The following AGAP1 variants were observed in gnomAD, a reference collection of about 807,000 sequenced individuals.
AGAP1 encodes the protein ArfGAP with GTPase domain, ankyrin repeat and PH domain 1, also known as arf-GAP with GTPase, ANK repeat and PH domain-containing protein 1.
A neutral mutation model predicts 105.3 loss-of-function variants in AGAP1; 29 were observed. The observed-to-expected ratio is 0.28, with a 90% CI of 0.21 to 0.38. AGAP1 has a LOEUF of 0.38. AGAP1 is among the 10% of genes least tolerant of loss of function. The pLI is 1.00. For synonymous variants in AGAP1, 509 were observed against 485.9 expected (o/e 1.05, Z -0.63); for missense variants, 998 against 1,165.1 (o/e 0.86, Z 2.09).
chr2:235,528,349 C>T (rs1372910249), intron 1 of AGAP1, among the ~76,000 whole-genome samples: 5 of 148,406 alleles, frequency 3.4e-5, no homozygotes, highest in East Asian at 4.0e-4. Context: ...CACTCAGGCC[C>T]CCTCCCCCTC....
Position 236,014,916 on chromosome 2 carries a change from C to A in AGAP1, c.1646-21645C>A. ...GCACCTCCACCCGCCCACACCTCCA[C>A]CTGCCTCTTCCCCTCTCATCCCCTG... On this transcript the variant is annotated intron_variant, in intron 13 of 17. Transcript: ENST00000304032. The surrounding 1 kb of genome is among the most constrained non-coding windows in gnomAD (Gnocchi z 6.3). The A allele has an allele frequency of 2.7e-6, 1 of 371,578 alleles. No individual in the cohort carries two copies. Among genetic ancestry groups the A allele is most frequent in the Non-Finnish European group, 5.6e-6 (1 of 179,082 alleles). 23.0% of individuals were successfully genotyped at this position (371,578 alleles called of 1,614,324 possible).
Position 235,842,409 on chromosome 2 carries a change from A to G in AGAP1, c.1050+35078A>G, listed in dbSNP as rs1960971680. On this transcript the variant is annotated intron_variant, in intron 9 of 17. Transcript: ENST00000304032. This position sits in a 1 kb window ranked among gnomAD's most constrained non-coding sequence, Gnocchi z 5.3. ...GTTCACAGCGCATTGCCGTTGTCCCAGATAATTGAATAGGTTGTTTTCTCT... is the reference window on the plus strand; with the variant it reads ...GTTCACAGCGCATTGCCGTTGTCCCGGATAATTGAATAGGTTGTTTTCTCT... Among the ~76,000 whole-genome samples the G allele has an allele frequency of 6.6e-6, 1 of 152,202 alleles. No homozygotes were observed. Among genetic ancestry groups the G allele is most frequent in the Non-Finnish European group, 1.5e-5 (1 of 68,040 alleles).
rs1019178690 is a variant in AGAP1, at chr2:235,752,564, A to G, written c.673+2076A>G. On this transcript the variant is annotated intron_variant, in intron 6 of 17. Transcript: ENST00000304032. The surrounding 1 kb of genome is among the most constrained non-coding windows in gnomAD (Gnocchi z 4.3). ...GGCCCCTCTCCAGCTGTGACAGCAG[A>G]GATGAGGGTCTTTGCGGCCTGAGAA... Among the ~76,000 whole-genome samples, 2 of 152,100 alleles carry G rather than the reference A, an allele frequency of 1.3e-5. No homozygotes were observed. The highest frequency in any genetic ancestry group is 2.4e-5 in the African/African-American group (1 of 41,422).
chr2:235,740,821 A>C lies in AGAP1; in HGVS notation c.311-142A>C, dbSNP rs1406880794. 8.0e-6 allele frequency: 7 copies of C among 878,874 alleles called. No homozygotes were observed. The highest frequency in any genetic ancestry group is 1.2e-5 in the Non-Finnish European group (7 of 578,040). 54.4% of individuals were successfully genotyped at this position (878,874 alleles called of 1,614,324 possible). On this transcript the variant is annotated intron_variant, in intron 3 of 17. Coordinates refer to ENST00000304032, the MANE Select transcript of AGAP1 (RefSeq NM_001037131.3). This position sits in a 1 kb window ranked among gnomAD's most constrained non-coding sequence, Gnocchi z 5.7. ...GAGTTCGGCTCTGTTAAAATTCAGCATTTGCTGGCAACATCCTAAATACTC... is the reference window on the plus strand; with the variant it reads ...GAGTTCGGCTCTGTTAAAATTCAGCCTTTGCTGGCAACATCCTAAATACTC...
chr2:235,626,945 T>C (rs1010653394), intron 1 of AGAP1, among the ~76,000 whole-genome samples: 1 of 151,280 alleles, frequency 6.6e-6, no homozygotes, highest in Non-Finnish European at 1.5e-5. Flanking sequence ...TAAGGACTTT[T>C]GTTTTTGAAA....
In AGAP1 at chr2:236,120,940, C is replaced by T. The variant is rs2059882881; in HGVS notation, c.2370+493C>T. On this transcript the variant is annotated intron_variant, in intron 17 of 17. Transcript: ENST00000304032. The surrounding 1 kb of genome is among the most constrained non-coding windows in gnomAD (Gnocchi z 6.0). The stretch of plus-strand genomic sequence containing the variant: ...TACATTCCTATTGAAGCATGTGTCA[C>T]AATGCTTGAAGGAGTGAAAGAGAAG... Among the ~76,000 whole-genome samples, 1 of 152,200 alleles carries T rather than the reference C, an allele frequency of 6.6e-6. No homozygotes were observed. The highest frequency in any genetic ancestry group is 2.1e-4 in the South Asian group (1 of 4,826).
intron 8 of AGAP1, among the ~76,000 whole-genome samples, chr2:235,804,165 C>T (rs1957721806): frequency 6.6e-6 from 1 of 152,212 alleles, no homozygotes; most frequent in Non-Finnish European, 1.5e-5. Context: ...GCCTAGGGAT[C>T]AGCATTAACC....
In AGAP1 at chr2:235,891,224, T is replaced by C. The variant is rs572639810; in HGVS notation, c.1155+7775T>C. On this transcript the variant is annotated intron_variant, in intron 10 of 17. Transcript: ENST00000304032. This position sits in a 1 kb window ranked among gnomAD's most constrained non-coding sequence, Gnocchi z 4.2. Reference sequence around the variant, plus strand: ...CAGCTCCTTTATCTCCACTTCGCATTTTGCAATGATAACCCTAAACATTTA... The same window carrying C: ...CAGCTCCTTTATCTCCACTTCGCATCTTGCAATGATAACCCTAAACATTTA... Among the ~76,000 whole-genome samples, 3 of 152,252 alleles carry C rather than the reference T, an allele frequency of 2.0e-5. No homozygotes were observed. The East Asian group carries it at 5.8e-4, about 29-fold the overall frequency.
At position 235,664,557 on chromosome 2, in the gene AGAP1, A is replaced by G. The variant is rs1260769544; in HGVS notation, c.164-44622A>G. Among the ~76,000 whole-genome samples the G allele has an allele frequency of 6.6e-6, 1 of 152,192 alleles. No individual in the cohort carries two copies. The highest frequency in any genetic ancestry group is 1.9e-4 in the East Asian group (1 of 5,188). On this transcript the variant is annotated intron_variant, in intron 1 of 17. Coordinates refer to ENST00000304032, the MANE Select transcript of AGAP1 (RefSeq NM_001037131.3). The surrounding 1 kb of genome is among the most constrained non-coding windows in gnomAD (Gnocchi z 5.7). ...AAGTCACCTTTGCCTGACACTTAGC[A>G]AGAAAAACTACCAAGAAATATCTAA... is the stretch of plus-strand genomic sequence containing the variant.
chr2:235,890,070 A>G (rs909575284), intron 10 of AGAP1, among the ~76,000 whole-genome samples: 1 of 150,634 alleles, frequency 6.6e-6, no homozygotes, highest in Non-Finnish European at 1.5e-5. Flanking sequence ...CCTCAGGATG[A>G]TGGGGTCCCT....
At chr2:235,841,358 C>T (rs1054243359) in intron 9 of AGAP1, among the ~76,000 whole-genome samples, 11 of 152,158 alleles carry the variant, frequency 7.2e-5, no homozygotes, top group Non-Finnish European at 8.8e-5. Flanking sequence ...GGGCCTGATG[C>T]GGTGGCTCAC....
intron 16 of AGAP1, among the ~76,000 whole-genome samples, chr2:236,110,741 G>A (rs1351213978): frequency 6.6e-6 from 1 of 152,174 alleles, no homozygotes; most frequent in Non-Finnish European, 1.5e-5. Flanking sequence ...TTTGGCTCAT[G>A]TAGCATTGTA....
chr2:235,632,438 G>A (rs996835021), intron 1 of AGAP1, among the ~76,000 whole-genome samples: 2 of 152,132 alleles, frequency 1.3e-5, no homozygotes, highest in Non-Finnish European at 2.9e-5. Context: ...GTTTCGCCAC[G>A]TCCATTACGC....
intron 1 of AGAP1, chr2:235,670,622 C>T (rs1281776497): frequency 1.7e-6 from 1 of 601,472 alleles, no homozygotes; most frequent in Non-Finnish European, 2.9e-6. Flanking sequence ...CGGAAGGCGC[C>T]ACAGCAGCTC....
Position 236,062,796 on chromosome 2 carries a change from G to A in AGAP1, c.2114+13515G>A, listed in dbSNP as rs1414173089. The stretch of plus-strand genomic sequence containing the variant: ...TCTGCCTCAGCCTCCCAAGTAGCTG[G>A]GATTACAGGCTCCCGCCACCTTACC... On this transcript the variant is annotated intron_variant, in intron 16 of 17. Coordinates refer to ENST00000304032, the MANE Select transcript of AGAP1 (RefSeq NM_001037131.3). This position sits in a 1 kb window ranked among gnomAD's most constrained non-coding sequence, Gnocchi z 4.2. Among the ~76,000 whole-genome samples, 20 of 151,704 alleles carry A rather than the reference G, an allele frequency of 1.3e-4. No homozygotes were observed. Among genetic ancestry groups the A allele is most frequent in the Non-Finnish European group, 1.5e-5 (1 of 67,936 alleles).
chr2:236,007,352 A>T (rs1576039234), intron 13 of AGAP1, among the ~76,000 whole-genome samples: 1 of 152,342 alleles, frequency 6.6e-6, no homozygotes, highest in South Asian at 2.1e-4. Flanking sequence ...GATTGACTGG[A>T]TAACCCTGAA....
intron 16 of AGAP1, among the ~76,000 whole-genome samples, chr2:236,081,076 T>C (rs2125834049): frequency 6.6e-6 from 1 of 152,300 alleles, no homozygotes; most frequent in South Asian, 2.1e-4. Context: ...CTGTGGCCCA[T>C]GTCATCAAAC....
intron 9 of AGAP1, among the ~76,000 whole-genome samples, chr2:235,836,469 T>C (rs545540218): frequency 3.3e-5 from 5 of 152,212 alleles, no homozygotes; most frequent in Admixed American, 6.5e-5. Context: ...AAAGCTGCAC[T>C]CGTGACTGGG....
intron 16 of AGAP1, among the ~76,000 whole-genome samples, chr2:236,069,966 A>C (rs1478822620): frequency 6.6e-6 from 1 of 152,252 alleles, no homozygotes; most frequent in Non-Finnish European, 1.5e-5. Context: ...CATTGACATG[A>C]ATGGCATGGC....
Sources: gnomAD v4.1 joint callset for allele counts (sites outside exome capture counted in the v4.1 genomes callset) on GRCh38, gnomAD v4.1.1 for gene constraint, Gnocchi (gnomAD v3.1) non-coding constraint, MANE v1.5 for transcripts, NCBI Gene and HGNC (gene_info 2026-07-23, HGNC 2026-07-21) for gene names.